ADGRF5: variants seen among roughly 807,000 people sequenced by gnomAD.
ADGRF5 encodes G-protein coupled receptor 116.
A neutral mutation model predicts 132.3 loss-of-function variants in ADGRF5; 75 were observed. The ratio of observed to expected loss-of-function variants is 0.57; its 90% confidence interval spans 0.47 to 0.69. The LOEUF is 0.69. Among genes scored for constraint, ADGRF5 ranks in the 30% least tolerant of loss-of-function variants. The pLI is 0.00. For missense variants in ADGRF5, 1,516 were observed against 1,630.6 expected (o/e 0.93, Z 1.21); for synonymous variants, 629 against 597.6 (o/e 1.05, Z -0.77).
chr6:46,910,709 A>T (rs34678007), intron 1 of ADGRF5, among the ~76,000 whole-genome samples: 1 of 151,548 alleles, frequency 6.6e-6, no homozygotes, highest in Non-Finnish European at 1.5e-5. Context: ...AACCAACCAA[A>T]CAAACAAACA....
intron 10 of ADGRF5, among the ~76,000 whole-genome samples, chr6:46,877,341 C>A (rs1302136200): frequency 5.5e-5 from 1 of 18,176 alleles, no homozygotes; most frequent in South Asian, 1.4e-3. Context: ...TTCTTTCTTT[C>A]TTTCTTTCTT....
Position 46,879,978 on chromosome 6 carries a change from C to T in ADGRF5, c.876G>A (p.Val292=), listed in dbSNP as rs759267478. Residue 292 remains valine, a synonymous_variant, in exon 9 of 21, where the codon GTG becomes GTA. Coordinates refer to ENST00000283296, the MANE Select transcript of ADGRF5 (RefSeq NM_001098518.2). The part of the protein sequence containing the change: ...IIFEGDTVSL[V]CEKEVLSSNV... Reference sequence around the variant, plus strand: ...TGGAGGACAAAACTTCCTTTTCACACACCAGACTGACTGTGTCCCCTTCAA... The same window carrying T: ...TGGAGGACAAAACTTCCTTTTCACATACCAGACTGACTGTGTCCCCTTCAA... 1.2e-5 allele frequency: 19 copies of T among 1,614,016 alleles called. 1 individual carries two copies. In the South Asian group the frequency reaches 2.0e-4, roughly 17 times the overall value.
Position 46,935,089 on chromosome 6 carries a change from C to T in ADGRF5, c.-25+19645G>A, listed in dbSNP as rs537014504. Among the ~76,000 whole-genome samples the T allele has an allele frequency of 2.1e-4, 32 of 150,108 alleles. 2 individuals are homozygous for T. The Middle Eastern group carries it at 0.027, about 128-fold the overall frequency. ...TGTGATCTTGGCTCACTGCAACCTC[C>T]GCCTCCCGGGTTCAAGCCATTCTCC... On this transcript the variant is annotated intron_variant, in intron 1 of 20. Coordinates refer to the ADGRF5 transcript ENST00000265417.
At chr6:46,880,716 T>A (rs1442571101) in intron 8 of ADGRF5, among the ~76,000 whole-genome samples, 1 of 151,726 alleles carries the variant, frequency 6.6e-6, no homozygotes. Context: ...CATTGGGAGG[T>A]GACTTGGAGA....
chr6:46,942,297 G>A (rs1447536808), intron 1 of ADGRF5, among the ~76,000 whole-genome samples: 1 of 152,188 alleles, frequency 6.6e-6, no homozygotes, highest in Non-Finnish European at 1.5e-5. Context: ...TTTATCTACT[G>A]TTTTGTGTCT....
At chr6:46,935,421 G>C (rs1041038381) in intron 1 of ADGRF5, among the ~76,000 whole-genome samples, 3 of 152,110 alleles carry the variant, frequency 2.0e-5, no homozygotes, top group Non-Finnish European at 4.4e-5. Flanking sequence ...CTGGTGTCAC[G>C]GATTCCAGAG....
At chr6:46,864,701 G>A (rs1021356246) in intron 14 of ADGRF5, among the ~76,000 whole-genome samples, 2 of 151,904 alleles carry the variant, frequency 1.3e-5, no homozygotes, top group African/African-American at 2.4e-5. Flanking sequence ...ATTTTTTGTA[G>A]TTTTAGTAGA....
chr6:46,882,167 G>A, intron 6 of ADGRF5, 60 bp from the exon 7 acceptor site: 4 of 1,117,520 alleles, frequency 3.6e-6, no homozygotes, highest in South Asian at 1.2e-5. Flanking sequence ...TGTATCAAAA[G>A]ATCTGAAGCA....
upstream of ADGRF5, among the ~76,000 whole-genome samples, chr6:46,922,743 T>C (rs552052285): frequency 5.9e-5 from 9 of 152,202 alleles, no homozygotes; most frequent in Non-Finnish European, 1.3e-4. Context: ...GAATGAGGCC[T>C]GGCTTGGAAT....
intron 3 of ADGRF5, among the ~76,000 whole-genome samples, chr6:46,899,125 G>T (rs951087837): frequency 6.6e-6 from 1 of 152,120 alleles, no homozygotes; most frequent in African/African-American, 2.4e-5. Flanking sequence ...GATGATCTGG[G>T]GAATGGATGG....
chr6:46,890,520 C>A lies in ADGRF5; in HGVS notation c.158-2015G>T, dbSNP rs532862244. On this transcript the variant is annotated intron_variant, in intron 3 of 20. Transcript: ENST00000283296. ...ATCACTTGAGGTCAGGAGTTCGAGA[C>A]CAGCCTGGCCAACATGGGAAACCCC... is the stretch of plus-strand genomic sequence containing the variant. Among the ~76,000 whole-genome samples the A allele has an allele frequency of 2.8e-3, 169 of 60,894 alleles. 1 individual carries two copies. The highest frequency in any genetic ancestry group is 1.0e-2 in the African/African-American group (150 of 15,030). 39.9% of individuals were successfully genotyped at this position (60,894 alleles called of 152,430 possible).
intron 15 of ADGRF5, among the ~76,000 whole-genome samples, chr6:46,861,645 C>T (rs959166036): frequency 1.3e-5 from 2 of 152,212 alleles, no homozygotes; most frequent in Non-Finnish European, 2.9e-5. Flanking sequence ...TCCTTAACAA[C>T]ATGGACCATG....
chr6:46,878,258 C>T lies in ADGRF5; in HGVS notation c.1184G>A (p.Gly395Asp). ...TTCTACTTTGCTCCAATTAACATTACCCTGACTGCAGCAGTTCAAAGATAC... is the reference window on the plus strand; with the variant it reads ...TTCTACTTTGCTCCAATTAACATTATCCTGACTGCAGCAGTTCAAAGATAC... ...NPVSLNCCSQ[G>D]NVNWSKVEWK... The change falls in exon 10 of 21, where the codon GGT becomes GAT. Residue 395 changes from glycine to aspartate, a missense_variant. Gly to Asp is a moderately conservative substitution (Grantham distance 94, BLOSUM62 -1). This residue lies in a region of ADGRF5 where 945 missense variants were observed against 929.4 expected (regional missense o/e 1.02). Transcript: ENST00000283296. The T allele has an allele frequency of 2.5e-6, 4 of 1,613,804 alleles. No homozygotes were observed. The highest frequency in any genetic ancestry group is 1.7e-6 in the Non-Finnish European group (2 of 1,179,726).
chr6:46,888,779 G>T (rs941786079), intron 3 of ADGRF5, among the ~76,000 whole-genome samples: 23 of 152,062 alleles, frequency 1.5e-4, no homozygotes. Context: ...GGAACTGTTC[G>T]GGCAAAATAT....
At chr6:46,937,600 A>T (rs1450095139) in intron 1 of ADGRF5, among the ~76,000 whole-genome samples, 1 of 152,146 alleles carries the variant, frequency 6.6e-6, no homozygotes, top group Non-Finnish European at 1.5e-5. Context: ...ACCATTTTTT[A>T]TATGCATGCA....
rs542395170 is a variant in ADGRF5 at position 46,887,605 on chromosome 6, C to T, written c.328+730G>A. Among the ~76,000 whole-genome samples the T allele has an allele frequency of 2.5e-3, 380 of 152,214 alleles. 2 individuals are homozygous for T. Among genetic ancestry groups the T allele is most frequent in the African/African-American group, 8.5e-3 (353 of 41,536 alleles). ...ATTGGGATGGACTATTTGAAATATG[C>T]GAATTCAAGAAGAATTTCAAAAACA... On this transcript the variant is annotated intron_variant, in intron 4 of 20. Transcript: ENST00000283296.
intron 8 of ADGRF5, among the ~76,000 whole-genome samples, chr6:46,881,008 G>A (rs1172957559): frequency 6.6e-6 from 1 of 152,110 alleles, no homozygotes; most frequent in Non-Finnish European, 1.5e-5. Flanking sequence ...GCTGAAGCAG[G>A]AGGATCGCTT....
At chr6:46,864,254 A>C (rs1770115970) in intron 14 of ADGRF5, among the ~76,000 whole-genome samples, 1 of 152,192 alleles carries the variant, frequency 6.6e-6, no homozygotes, top group Non-Finnish European at 1.5e-5. Flanking sequence ...TCTGTAAAAC[A>C]TGAACTTTCA....
chr6:46,856,160 C>G, intron 19 of ADGRF5, 102 bp from the exon 20 acceptor site: 1 of 686,258 alleles, frequency 1.5e-6, no homozygotes, highest in Non-Finnish European at 2.6e-6. Flanking sequence ...GTGGTCACTG[C>G]CGGAATCTCT....
Sources: allele counts gnomAD v4.1 joint callset (sites outside exome capture counted in the v4.1 genomes callset), GRCh38; gene constraint gnomAD v4.1.1; regional missense constraint gnomAD v4.1.1; transcripts MANE v1.5; gene names NCBI Gene and HGNC (gene_info 2026-07-23, HGNC 2026-07-21).